PSPC1: variants seen among roughly 807,000 people sequenced by gnomAD.
PSPC1 encodes paraspeckle protein 1.
PSPC1 carries 14 observed loss-of-function variants against 51.6 expected under a neutral mutation model. The ratio of observed to expected loss-of-function variants is 0.27; its 90% CI spans 0.18 to 0.42. The LOEUF (loss-of-function observed/expected upper bound fraction) is 0.42. PSPC1 is among the 10% of genes least tolerant of loss of function. PSPC1 has a pLI of 1.00. For synonymous variants in PSPC1, 193 were observed against 231.9 expected (o/e 0.83, Z 1.53); for missense variants, 406 against 701.1 (o/e 0.58, Z 4.75).
chr13:19,697,207 A>G (rs1879362651), intron 6 of PSPC1, among the ~76,000 whole-genome samples: 1 of 152,190 alleles, frequency 6.6e-6, no homozygotes, highest in South Asian at 2.1e-4. Context: ...GGAACTTACT[A>G]GAAATGAACG....
intron 5 of PSPC1, among the ~76,000 whole-genome samples, chr13:19,735,945 T>G (rs9508864): frequency 1.3e-5 from 2 of 151,824 alleles, no homozygotes; most frequent in African/African-American, 4.8e-5. Context: ...CCTCAGACTC[T>G]GAGTAGCTGG....
chr13:19,726,416 T>C (rs1336408854), intron 6 of PSPC1, among the ~76,000 whole-genome samples: 1 of 152,234 alleles, frequency 6.6e-6, no homozygotes, highest in African/African-American at 2.4e-5. Context: ...CTTGGAGGAC[T>C]GAATCTCAGG....
chr13:19,762,431 A>G (rs1283921553), intron 2 of PSPC1, among the ~76,000 whole-genome samples: 2 of 152,158 alleles, frequency 1.3e-5, no homozygotes, highest in Non-Finnish European at 2.9e-5. Context: ...GTGGTGGCAC[A>G]CGCCTGTAGT....
At chr13:19,738,646 G>T (rs561190412) in intron 5 of PSPC1, among the ~76,000 whole-genome samples, 161 of 152,240 alleles carry the variant, frequency 1.1e-3, no homozygotes, top group African/African-American at 3.8e-3. Flanking sequence ...AGTGGCTCAC[G>T]CCTGTAATCC....
rs1012550700 is a variant in PSPC1, at chr13:19,674,859, A to G, written c.*202T>C. ...TCCTTGCTAAGAAGTCAAGACCACT[A>G]TGGAATTCACACTGCTTTCTATAGA... is the stretch of plus-strand genomic sequence containing the variant. On this transcript the variant is annotated 3_prime_UTR_variant and NMD_transcript_variant, in exon 8 of 8. Coordinates refer to the PSPC1 transcript ENST00000471658. The G allele has an allele frequency of 7.9e-5, 12 of 152,238 alleles. 1 individual carries two copies. The highest frequency in any genetic ancestry group is 7.9e-4 in the Admixed American group (12 of 15,280). The allele number at this position is 152,238 out of a possible 1,614,324, so 9.4% of individuals were successfully genotyped here.
At chr13:19,767,492 C>A (rs1298195876) in intron 2 of PSPC1, among the ~76,000 whole-genome samples, 2 of 151,862 alleles carry the variant, frequency 1.3e-5, no homozygotes, top group African/African-American at 4.8e-5. Context: ...ATACAATAAG[C>A]AAATACAAAG....
At chr13:19,704,549 T>C (rs1880407909) in intron 8 of PSPC1, among the ~76,000 whole-genome samples, 1 of 152,294 alleles carries the variant, frequency 6.6e-6, no homozygotes, top group South Asian at 2.1e-4. Flanking sequence ...TTTCATACAG[T>C]AGTTTCAAAA....
intron 5 of PSPC1, 120 bp downstream of exon 5, chr13:19,741,445 A>T: frequency 1.4e-6 from 1 of 690,550 alleles, no homozygotes; most frequent in Non-Finnish European, 2.4e-6. Flanking sequence ...GTATGTGGTT[A>T]AAATGGGCAA....
At chr13:19,724,721 C>T (rs201459987) in intron 6 of PSPC1, among the ~76,000 whole-genome samples, 38 of 152,010 alleles carry the variant, frequency 2.5e-4, no homozygotes, top group Middle Eastern at 3.4e-3. Context: ...GAGCGTGGGC[C>T]GGGCGTGGTG....
chr13:19,770,019 C>CA (rs1888470910), intron 2 of PSPC1, among the ~76,000 whole-genome samples: 1 of 149,372 alleles, frequency 6.7e-6, no homozygotes, highest in Non-Finnish European at 1.5e-5. Context: ...TAGTTGTAAG[C>CA]AACTCAAATA....
At chr13:19,746,389 G>A (rs1268717825) in intron 4 of PSPC1, among the ~76,000 whole-genome samples, 1 of 151,558 alleles carries the variant, frequency 6.6e-6, no homozygotes, top group African/African-American at 2.4e-5. Context: ...GCAACAGAGC[G>A]AGACTCCGTC....
chr13:19,737,466 T>C (rs901919074), intron 5 of PSPC1, among the ~76,000 whole-genome samples: 3 of 152,198 alleles, frequency 2.0e-5, no homozygotes, highest in Non-Finnish European at 4.4e-5. Flanking sequence ...GCATATCTGG[T>C]AAGAATATCA....
chr13:19,752,241 T>C (rs1886630757), intron 3 of PSPC1, among the ~76,000 whole-genome samples: 1 of 152,182 alleles, frequency 6.6e-6, no homozygotes, highest in South Asian at 2.1e-4. Flanking sequence ...TTATTACCTC[T>C]TTCTCTTGAT....
intron 5 of PSPC1, among the ~76,000 whole-genome samples, chr13:19,731,220 A>G (rs1227499627): frequency 3.9e-5 from 6 of 152,170 alleles, no homozygotes; most frequent in African/African-American, 1.4e-4. Context: ...TAGCATAAAC[A>G]TTTACATTAC....
intron 4 of PSPC1, among the ~76,000 whole-genome samples, chr13:19,744,446 C>T (rs1395922701): frequency 6.6e-6 from 1 of 152,190 alleles, no homozygotes; most frequent in Non-Finnish European, 1.5e-5. Context: ...TTTTAAAGTT[C>T]CTAATACCCA....
intron 6 of PSPC1, among the ~76,000 whole-genome samples, chr13:19,680,752 C>G (rs1877180435): frequency 6.6e-6 from 1 of 152,156 alleles, no homozygotes; most frequent in African/African-American, 2.4e-5. Flanking sequence ...TCACTAAGAA[C>G]TACCCACACA....
chr13:19,705,951 A>C, intron 7 of PSPC1, 120 bp from the exon 8 acceptor site: 1 of 784,866 alleles, frequency 1.3e-6, no homozygotes, highest in Non-Finnish European at 1.9e-6. Flanking sequence ...TCGCTCCTTA[A>C]GAATGCGATA....
intron 3 of PSPC1, among the ~76,000 whole-genome samples, chr13:19,752,877 T>G (rs1473773377): frequency 3.3e-5 from 5 of 151,484 alleles, no homozygotes; most frequent in Middle Eastern, 3.4e-3. Flanking sequence ...TGAGCCACCG[T>G]GCCCAGCCTT....
At chr13:19,679,166 T>C (rs1565952564) in intron 6 of PSPC1, 1 of 152,258 alleles carries the variant, frequency 6.6e-6, no homozygotes, top group Non-Finnish European at 1.5e-5. Flanking sequence ...TCTGAATTTA[T>C]AGACTCTGTA....
Sources: gnomAD v4.1 joint callset for allele counts (sites outside exome capture counted in the v4.1 genomes callset) on GRCh38, gnomAD v4.1.1 for gene constraint, MANE v1.5 for transcripts, NCBI Gene and HGNC (gene_info 2026-07-23, HGNC 2026-07-21) for gene names.